Variants in STPG2 observed in about 807,000 individuals in gnomAD.
STPG2 encodes the protein sperm tail PG-rich repeat containing 2, also known as sperm-tail PG-rich repeat-containing protein 2.
Under a neutral mutation model 54.2 loss-of-function variants are expected in STPG2, and 56 were observed. The ratio of observed to expected loss-of-function variants is 1.03; its 90% CI spans 0.83 to 1.29. The LOEUF is 1.29. STPG2 is among the 50% of genes most tolerant of loss of function. The probability of loss-of-function intolerance (pLI) is 0.00; values close to 1 mark genes in which losing one functional copy is unlikely to be tolerated. For synonymous variants in STPG2, 200 were observed against 181.8 expected (o/e 1.10, Z -0.81); for missense variants, 596 against 544.9 (o/e 1.09, Z -0.93).
chr4:97,813,677 T>TAAAAAA (rs869298230), intron 9 of STPG2, among the ~76,000 whole-genome samples: 102 of 45,932 alleles, frequency 2.2e-3, no homozygotes, highest in African/African-American at 3.0e-3. Flanking sequence ...CCCTGTCTCT[T>TAAAAAA]AAAAAAAAAA....
At chr4:97,620,750 A>G (rs1271281201) in intron 10 of STPG2, among the ~76,000 whole-genome samples, 1 of 152,160 alleles carries the variant, frequency 6.6e-6, no homozygotes, top group African/African-American at 2.4e-5. Context: ...GCAGAAAATT[A>G]CCAAGGATAT....
chr4:97,767,915 C>T (rs1358096757), intron 9 of STPG2, among the ~76,000 whole-genome samples: 1 of 152,122 alleles, frequency 6.6e-6, no homozygotes, highest in African/African-American at 2.4e-5. Context: ...CGCCTGTAAT[C>T]CCAGCACTTT....
At chr4:97,789,530 T>C (rs1463849916) in intron 9 of STPG2, among the ~76,000 whole-genome samples, 1 of 152,140 alleles carries the variant, frequency 6.6e-6, no homozygotes, top group African/African-American at 2.4e-5. Flanking sequence ...TTCTTCGATC[T>C]ACATTTTACA....
At chr4:97,446,205 T>C (rs1234866605) in intron 4 of STPG2, among the ~76,000 whole-genome samples, 2 of 152,176 alleles carry the variant, frequency 1.3e-5, no homozygotes, top group African/African-American at 4.8e-5. Flanking sequence ...AAAAAGCAAC[T>C]CACCTGATTA....
chr4:97,692,004 C>T (rs1723381206), intron 10 of STPG2, among the ~76,000 whole-genome samples: 2 of 152,060 alleles, frequency 1.3e-5, no homozygotes, highest in South Asian at 4.2e-4. Flanking sequence ...AAAGGAGCAC[C>T]CTATGGGACA....
rs767963310 is a variant in STPG2 at position 97,972,387 on chromosome 4, T to C, written c.826A>G (p.Ile276Val). Residue 276 changes from isoleucine (I) to valine (V), a missense_variant, in exon 7 of 11, where the codon ATC (isoleucine) becomes GTC (valine). By Grantham distance (29) the Ile-to-Val change is conservative (BLOSUM62 3). Coordinates refer to ENST00000295268, the MANE Select transcript of STPG2 (RefSeq NM_174952.3). ...NNTIIASVRN[I>V]CSKKQKKSAF... is the part of the protein sequence containing the mutation. ...CTTTTCTTCTGTTTCTTTGAGCAGA[T>C]ATTTCTAACACTGGCAATTATAGTA... is the stretch of plus-strand genomic sequence containing the variant. The C allele has an allele frequency of 2.5e-6, 4 of 1,607,050 alleles. No individual in the cohort carries two copies. The African/African-American group carries it at 5.4e-5, about 22-fold the overall frequency.
chr4:97,542,338 C>T (rs925224985), intron 4 of STPG2, among the ~76,000 whole-genome samples: 1 of 152,198 alleles, frequency 6.6e-6, no homozygotes, highest in African/African-American at 2.4e-5. Context: ...CAAAAGAAGA[C>T]ATTTATGCAG....
At chr4:98,057,536 A>C (rs1737519283) in intron 5 of STPG2, among the ~76,000 whole-genome samples, 1 of 152,172 alleles carries the variant, frequency 6.6e-6, no homozygotes, top group South Asian at 2.1e-4. Context: ...GAATGAACAA[A>C]ACCTCTGGGA....
chr4:97,906,670 G>T (rs554734399), intron 8 of STPG2, among the ~76,000 whole-genome samples: 2 of 151,986 alleles, frequency 1.3e-5, no homozygotes, highest in South Asian at 4.2e-4. Flanking sequence ...TATCCACCAT[G>T]ATCAAGTGGG....
intron 8 of STPG2, among the ~76,000 whole-genome samples, chr4:97,941,764 T>G (rs975220696): frequency 7.9e-5 from 12 of 152,062 alleles, no homozygotes; most frequent in Non-Finnish European, 1.6e-4. Flanking sequence ...GAGATATTAT[T>G]TCAATTTTAT....
At chr4:97,896,665 G>A (rs913456086) in intron 8 of STPG2, among the ~76,000 whole-genome samples, 10 of 151,598 alleles carry the variant, frequency 6.6e-5, no homozygotes, top group South Asian at 2.1e-4. Flanking sequence ...GTTGAATTAT[G>A]GGACATCTTT....
At chr4:98,069,115 T>G (rs185330485) in intron 5 of STPG2, among the ~76,000 whole-genome samples, 1 of 152,070 alleles carries the variant, frequency 6.6e-6, no homozygotes, top group Non-Finnish European at 1.5e-5. Context: ...GATATGAGTA[T>G]GTTTGTGCAA....
intron 4 of STPG2, among the ~76,000 whole-genome samples, chr4:97,536,301 A>G (rs1331443360): frequency 6.6e-6 from 1 of 152,096 alleles, no homozygotes; most frequent in African/African-American, 2.4e-5. Context: ...TACCATGTCA[A>G]GGGAGGGAGC....
intron 5 of STPG2, among the ~76,000 whole-genome samples, chr4:98,019,700 T>C (rs1357890084): frequency 7.6e-6 from 1 of 132,262 alleles, no homozygotes; most frequent in Non-Finnish European, 1.7e-5. Flanking sequence ...CATTGAGCAG[T>C]GGTTTGTAGT....
At chr4:97,515,410 T>C (rs1454155746) in intron 4 of STPG2, among the ~76,000 whole-genome samples, 2 of 151,908 alleles carry the variant, frequency 1.3e-5, no homozygotes, top group East Asian at 1.9e-4. Context: ...ATCAAGTAAA[T>C]GAGAAAAGAT....
intron 9 of STPG2, among the ~76,000 whole-genome samples, chr4:97,745,043 A>C (rs575842565): frequency 1.3e-5 from 2 of 151,452 alleles, no homozygotes; most frequent in African/African-American, 4.8e-5. Flanking sequence ...TACTTCCAAA[A>C]GTAGTTTCTT....
At chr4:97,976,970 CT>C (rs1383957654) in intron 6 of STPG2, among the ~76,000 whole-genome samples, 2 of 152,106 alleles carry the variant, frequency 1.3e-5, no homozygotes, top group Non-Finnish European at 1.5e-5. Flanking sequence ...AAAATCAAAG[CT>C]GTTGGAACTT....
intron 8 of STPG2, among the ~76,000 whole-genome samples, chr4:97,922,482 C>G (rs1303871693): frequency 6.6e-6 from 1 of 152,066 alleles, no homozygotes. Context: ...ACTGAGAATG[C>G]CTTTGTTGTA....
chr4:98,033,341 C>T (rs954023778), intron 5 of STPG2, among the ~76,000 whole-genome samples: 2 of 152,080 alleles, frequency 1.3e-5, no homozygotes, highest in Non-Finnish European at 2.9e-5. Context: ...CGCAAATAAA[C>T]TAGAAAATCT....
Sources: allele counts gnomAD v4.1 joint callset (sites outside exome capture counted in the v4.1 genomes callset), GRCh38; gene constraint gnomAD v4.1.1; transcripts MANE v1.5; gene names NCBI Gene and HGNC (gene_info 2026-07-23, HGNC 2026-07-21).